Variants in CNTNAP4 observed in about 807,000 individuals in gnomAD.
The protein encoded by CNTNAP4 is contactin associated protein family member 4, also known as contactin-associated protein-like 4.
CNTNAP4 carries 98 observed loss-of-function variants against 148.4 expected under a neutral mutation model. That is an observed-to-expected ratio of 0.66 (90% CI 0.56 to 0.78). The LOEUF (loss-of-function observed/expected upper bound fraction) is 0.78, where lower values mean the gene tolerates loss of function less well. Among genes scored for constraint, CNTNAP4 ranks in the 30% least tolerant of loss-of-function variants. CNTNAP4 has a pLI of 0.00. For synonymous variants in CNTNAP4, 730 were observed against 565.1 expected (o/e 1.29, Z -4.14); for missense variants, 1,935 against 1,565.6 (o/e 1.24, Z -3.98).
chr16:76,492,334 T>G (rs2082252581), intron 13 of CNTNAP4, among the ~76,000 whole-genome samples: 1 of 152,216 alleles, frequency 6.6e-6, no homozygotes, highest in Non-Finnish European at 1.5e-5. Flanking sequence ...CATTTCACAG[T>G]GTATATCAAA....
intron 3 of CNTNAP4, among the ~76,000 whole-genome samples, chr16:76,366,133 A>C (rs886431169): frequency 5.3e-5 from 8 of 152,260 alleles, no homozygotes; most frequent in African/African-American, 1.7e-4. Flanking sequence ...AAATTATAAA[A>C]AATTTGCTGA....
chr16:76,447,958 T>G, intron 4 of CNTNAP4, 54 bp from the exon 5 acceptor site: 1 of 1,325,488 alleles, frequency 7.5e-7, no homozygotes, highest in Non-Finnish European at 1.1e-6. Context: ...TTTAAAATGA[T>G]TTAATGGAAA....
intron 3 of CNTNAP4, among the ~76,000 whole-genome samples, chr16:76,380,996 C>T (rs770929665): frequency 3.9e-5 from 6 of 152,166 alleles, no homozygotes; most frequent in Non-Finnish European, 5.9e-5. Flanking sequence ...TCTCCTTTGT[C>T]GCCAGGCTCT....
intron 3 of CNTNAP4, among the ~76,000 whole-genome samples, chr16:76,368,832 A>C (rs2144608705): frequency 6.6e-6 from 1 of 152,274 alleles, no homozygotes; most frequent in South Asian, 2.1e-4. Flanking sequence ...AAAAAATAAA[A>C]TTACATTAAT....
intron 1 of CNTNAP4, among the ~76,000 whole-genome samples, chr16:76,284,196 G>A (rs1275806929): frequency 6.6e-6 from 1 of 151,924 alleles, no homozygotes; most frequent in Non-Finnish European, 1.5e-5. Flanking sequence ...TGCTTAAATA[G>A]GAGATGTTTC....
intron 18 of CNTNAP4, 97 bp downstream of exon 18, chr16:76,535,881 A>G: frequency 7.3e-7 from 1 of 1,378,340 alleles, no homozygotes; most frequent in Non-Finnish European, 9.7e-7. Context: ...AACAAAAAAA[A>G]TTCAATTTCT....
intron 3 of CNTNAP4, among the ~76,000 whole-genome samples, chr16:76,392,287 C>G (rs1046613915): frequency 2.0e-5 from 3 of 152,178 alleles, no homozygotes; most frequent in Non-Finnish European, 4.4e-5. Flanking sequence ...AGCCACTGTG[C>G]CTGGGTCTTC....
intron 17 of CNTNAP4, among the ~76,000 whole-genome samples, chr16:76,522,522 A>G (rs568834612): frequency 1.3e-5 from 2 of 152,108 alleles, no homozygotes; most frequent in African/African-American, 4.8e-5. Context: ...AATGAGATTC[A>G]GATTTGTGTT....
At chr16:76,539,192 C>G (rs2084346041) in intron 19 of CNTNAP4, among the ~76,000 whole-genome samples, 1 of 151,974 alleles carries the variant, frequency 6.6e-6, no homozygotes, top group Admixed American at 6.6e-5. Flanking sequence ...ATGAGTAGTA[C>G]TAATTGTGAT....
chr16:76,396,600 C>T (rs1307843544), intron 3 of CNTNAP4, among the ~76,000 whole-genome samples: 1 of 152,152 alleles, frequency 6.6e-6, no homozygotes, highest in Non-Finnish European at 1.5e-5. Flanking sequence ...GAAGAATGAC[C>T]TTGTGTGGTG....
intron 7 of CNTNAP4, among the ~76,000 whole-genome samples, chr16:76,451,623 G>GTGTGTGTA: frequency 6.6e-6 from 1 of 151,782 alleles, no homozygotes; most frequent in East Asian, 1.9e-4. Flanking sequence ...GTGTGTGTGT[G>GTGTGTGTA]TGTGTGTGTG....
At chr16:76,295,454 C>G (rs185719257) in intron 1 of CNTNAP4, among the ~76,000 whole-genome samples, 5 of 152,162 alleles carry the variant, frequency 3.3e-5, no homozygotes, top group Admixed American at 6.5e-5. Context: ...TTTTTATAAA[C>G]TTAAAATTCT....
At chr16:76,495,302 A>T (rs1306899940) in intron 14 of CNTNAP4, 2 of 295,280 alleles carry the variant, frequency 6.8e-6, no homozygotes, top group Non-Finnish European at 1.3e-5. Flanking sequence ...TTATAATCAA[A>T]CAGAGACACC....
At position 76,507,019 on chromosome 16, in the gene CNTNAP4, A is replaced by G. The variant is rs2082860495; in HGVS notation, c.2365+8325A>G. ...ATGGACTGGAGATAGTATTTTGTAT[A>G]CCTTTGCTTTTCCCATTCATTTTTC... On this transcript the variant is annotated intron_variant, in intron 15 of 23. Coordinates refer to ENST00000611870, the MANE Select transcript of CNTNAP4 (RefSeq NM_033401.5). Among the ~76,000 whole-genome samples the G allele has an allele frequency of 4.1e-5, 4 of 97,132 alleles. 2 individuals carry two copies. 63.7% of individuals were successfully genotyped at this position (97,132 alleles called of 152,430 possible).
intron 17 of CNTNAP4, among the ~76,000 whole-genome samples, chr16:76,530,712 C>T (rs1217467231): frequency 3.3e-5 from 5 of 152,166 alleles, no homozygotes; most frequent in African/African-American, 7.2e-5. Context: ...CTTTGAACCA[C>T]GATAGTTCTT....
At chr16:76,458,802 G>C (rs1240075268) in intron 8 of CNTNAP4, among the ~76,000 whole-genome samples, 1 of 152,070 alleles carries the variant, frequency 6.6e-6, no homozygotes, top group Non-Finnish European at 1.5e-5. Context: ...GCCTATTTTT[G>C]GTAGAATGAC....
rs1388495451 is a variant in CNTNAP4 at position 76,452,584 on chromosome 16, T to C, written c.1148T>C (p.Leu383Pro). Residue 383 changes from leucine (L) to proline (P), a missense_variant, in exon 8 of 24, where the codon CTG becomes CCG. By Grantham distance (98) the Leu-to-Pro change is moderately conservative. Transcript: ENST00000611870. Reference protein sequence around the residue: ...TFLSSRSYLALPDFSGEEEVS... With the variant: ...TFLSSRSYLAPPDFSGEEEVS... ...CTGAGCTCCAGGAGTTATTTAGCAC[T>C]GCCAGACTTCTCTGGAGAGGAGGAG... 6.2e-7 allele frequency: 1 copy of C among 1,613,900 alleles called. No homozygotes were observed. The highest frequency in any genetic ancestry group is 1.3e-5 in the African/African-American group (1 of 74,934).
intron 3 of CNTNAP4, among the ~76,000 whole-genome samples, chr16:76,413,788 T>C (rs138161678): frequency 1.3e-5 from 2 of 151,382 alleles, no homozygotes; most frequent in African/African-American, 4.8e-5. Context: ...TTTATAATTT[T>C]CATGTAAAGG....
At chr16:76,342,079 T>C (rs972989291) in intron 2 of CNTNAP4, among the ~76,000 whole-genome samples, 1 of 152,210 alleles carries the variant, frequency 6.6e-6, no homozygotes, top group South Asian at 2.1e-4. Context: ...AAAAAGCTGC[T>C]GTTCCTTTGT....
Sources: allele counts gnomAD v4.1 joint callset (sites outside exome capture counted in the v4.1 genomes callset), GRCh38; gene constraint gnomAD v4.1.1; transcripts MANE v1.5; gene names NCBI Gene and HGNC (gene_info 2026-07-23, HGNC 2026-07-21).